DOCK11: variants seen among roughly 807,000 people sequenced by gnomAD.
The protein encoded by DOCK11 is dedicator of cytokinesis protein 11.
In DOCK11, 70 loss-of-function variants were observed where a neutral mutation model predicts 169.1. The observed-to-expected ratio is 0.41, with a 90% CI of 0.34 to 0.51. The LOEUF (loss-of-function observed/expected upper bound fraction) is 0.51, where lower values mean the gene tolerates loss of function less well. DOCK11 is among the 20% of genes least tolerant of loss of function. DOCK11 has a pLI of 0.10. For synonymous variants in DOCK11, 529 were observed against 541.3 expected (o/e 0.98, Z 0.32); for missense variants, 1,166 against 1,538.8 (o/e 0.76, Z 4.05).
chrX:118,650,230 T>G (rs2015914590), intron 41 of DOCK11, among the ~76,000 whole-genome samples: 1 of 111,944 alleles, frequency 8.9e-6, no homozygotes, highest in Admixed American at 9.6e-5. Context: ...ACCCTGAGGA[T>G]TAAAATAAGG....
At chrX:118,618,776 T>C in intron 31 of DOCK11, 48 bp downstream of exon 31, 1 of 964,622 alleles carries the variant, frequency 1.0e-6, no homozygotes, top group East Asian at 3.5e-5. Context: ...AGAGTTCTAC[T>C]ATGATTTTTT....
chrX:118,549,106 CTGTGTG>C (rs57680469), intron 6 of DOCK11, among the ~76,000 whole-genome samples: 1 of 99,120 alleles, frequency 1.0e-5, no homozygotes, highest in Non-Finnish European at 2.0e-5. Context: ...TGCTCATATT[CTGTGTG>C]TGTGTGTGTG....
rs1399395947 is a variant in DOCK11, at chrX:118,546,098, C to T, written c.540C>T (p.Thr180=). Residue 180 remains threonine, a synonymous_variant, in exon 6 of 53, where the codon ACC becomes ACT. Coordinates refer to ENST00000276202, the MANE Select transcript of DOCK11 (RefSeq NM_144658.4). ...GWLHKANVNS[T]ITVTMKVFKR... Reference sequence around the variant, plus strand: ...TGCATAAAGCAAATGTAAATAGTACCATCACAGTAACCATGAAGGTAGGAA... The same window carrying T: ...TGCATAAAGCAAATGTAAATAGTACTATCACAGTAACCATGAAGGTAGGAA... The T allele has an allele frequency of 1.7e-6, 2 of 1,182,759 alleles. No individual in the cohort carries two copies. The highest frequency in any genetic ancestry group is 3.0e-5 in the East Asian group (1 of 33,377).
At chrX:118,660,747 G>A (rs1045387682) in intron 44 of DOCK11, among the ~76,000 whole-genome samples, 1 of 110,444 alleles carries the variant, frequency 9.1e-6, no homozygotes, top group African/African-American at 3.3e-5. Context: ...TGGGATTACA[G>A]GCGTGAGCCA....
intron 1 of DOCK11, among the ~76,000 whole-genome samples, chrX:118,521,713 T>G (rs1379436380): frequency 8.9e-6 from 1 of 111,966 alleles, no homozygotes; most frequent in Non-Finnish European, 1.9e-5. Flanking sequence ...TAATAAGGTG[T>G]TTTTGGTAAA....
At chrX:118,594,576 G>T (rs771949029) in intron 20 of DOCK11, among the ~76,000 whole-genome samples, 1 of 111,846 alleles carries the variant, frequency 8.9e-6, no homozygotes, top group South Asian at 3.7e-4. Context: ...ACTGTATTAT[G>T]TACAAGATAT....
chrX:118,629,594 GTAT>G (rs1306187100), intron 34 of DOCK11, among the ~76,000 whole-genome samples: 1 of 111,176 alleles, frequency 9.0e-6, no homozygotes, highest in Non-Finnish European at 1.9e-5. Context: ...TAATTTTGAA[GTAT>G]TATTGGGTAC....
intron 23 of DOCK11, among the ~76,000 whole-genome samples, chrX:118,601,398 T>G (rs2014332035): frequency 2.9e-5 from 3 of 102,208 alleles, no homozygotes; most frequent in Admixed American, 2.2e-4. Flanking sequence ...TACTCCAGCC[T>G]GGGCCACAGC....
chrX:118,612,267 A>G (rs2014702842), intron 28 of DOCK11, among the ~76,000 whole-genome samples: 1 of 112,285 alleles, frequency 8.9e-6, no homozygotes, highest in African/African-American at 3.2e-5. Flanking sequence ...ATTTTCTGAC[A>G]TAAGACTTCT....
chrX:118,676,375 C>T (rs1350371963), intron 47 of DOCK11, among the ~76,000 whole-genome samples: 1 of 111,217 alleles, frequency 9.0e-6, no homozygotes, highest in Admixed American at 9.6e-5. Flanking sequence ...CTTCCTCAGG[C>T]CATATGTTTA....
Position 118,608,225 on chromosome X carries a change from T to G in DOCK11, c.2752-6T>G. ...AGTTCATTTTTTTTTGTTTGTTTATTTGTAGTATAGCTTCCGACCTGAAAA... is the reference window on the plus strand; with the variant it reads ...AGTTCATTTTTTTTTGTTTGTTTATGTGTAGTATAGCTTCCGACCTGAAAA... On this transcript the variant is annotated splice_polypyrimidine_tract_variant and splice_region_variant and intron_variant, in intron 25 of 52. Coordinates refer to ENST00000276202, the MANE Select transcript of DOCK11 (RefSeq NM_144658.4). 1 of 1,198,220 alleles carries G rather than the reference T, an allele frequency of 8.3e-7. No individual in the cohort carries two copies. Among genetic ancestry groups the G allele is most frequent in the Non-Finnish European group, 1.1e-6 (1 of 890,908 alleles).
chrX:118,648,204 ATAT>A (rs200315457), intron 40 of DOCK11, among the ~76,000 whole-genome samples: 16,924 of 80,774 alleles, frequency 0.21, 1,731 homozygotes, highest in African/African-American at 0.35. Context: ...ATAATATATA[ATAT>A]TATAATATTA....
In DOCK11 at chrX:118,671,011, C is replaced by G. The variant is rs1449590154; in HGVS notation, c.5077-12C>G. The G allele has an allele frequency of 2.6e-6, 3 of 1,158,497 alleles. No individual in the cohort carries two copies. In the African/African-American group the frequency reaches 5.4e-5, roughly 21 times the overall value. On this transcript the variant is annotated splice_polypyrimidine_tract_variant and intron_variant, in intron 45 of 52. Transcript: ENST00000276202. The stretch of plus-strand genomic sequence containing the variant: ...ATTTTTAATTCCTAATTGGATTTTT[C>G]TCTTAATGCAGGAGGTCTTGCTGGA...
intron 7 of DOCK11, among the ~76,000 whole-genome samples, chrX:118,564,449 T>G (rs1028521109): frequency 3.6e-5 from 4 of 111,817 alleles, no homozygotes; most frequent in African/African-American, 1.3e-4. Context: ...TGTCATTTCT[T>G]TTTTCATGAC....
At chrX:118,664,426 C>A (rs904904044) in intron 45 of DOCK11, among the ~76,000 whole-genome samples, 4 of 111,036 alleles carry the variant, frequency 3.6e-5, no homozygotes, top group Non-Finnish European at 5.7e-5. Flanking sequence ...GAGGCTGAGG[C>A]AGGTGGATCA....
intron 44 of DOCK11, among the ~76,000 whole-genome samples, chrX:118,655,260 AG>A (rs1024621067): frequency 2.0e-4 from 22 of 110,983 alleles, no homozygotes; most frequent in Admixed American, 8.7e-4. Context: ...TGAGGCCAGG[AG>A]TTTGAGACCA....
chrX:118,564,956 G>A (rs1343769515), intron 7 of DOCK11, among the ~76,000 whole-genome samples: 1 of 109,144 alleles, frequency 9.2e-6, no homozygotes, highest in Non-Finnish European at 1.9e-5. Context: ...TTTTTTTTGA[G>A]GCAGGATCTC....
At chrX:118,610,470 A>G (rs375247831) in intron 28 of DOCK11, 52 bp downstream of exon 28, 1,230 of 1,165,715 alleles carry the variant, frequency 1.1e-3, no homozygotes, top group Non-Finnish European at 1.3e-3. Context: ...CATTGATAGG[A>G]AGCCCAAGAA....
chrX:118,643,177 A>G (rs2015573941), intron 39 of DOCK11, among the ~76,000 whole-genome samples: 1 of 111,797 alleles, frequency 8.9e-6, no homozygotes, highest in African/African-American at 3.3e-5. Flanking sequence ...GGTATAGGTT[A>G]ATAGAAAATA....
Sources: gnomAD v4.1 joint callset for allele counts (sites outside exome capture counted in the v4.1 genomes callset) on GRCh38, gnomAD v4.1.1 for gene constraint, MANE v1.5 for transcripts, NCBI Gene and HGNC (gene_info 2026-07-23, HGNC 2026-07-21) for gene names.